The following REV1 variants were observed in gnomAD, a reference collection of about 807,000 sequenced individuals.
The protein encoded by REV1 is translesion synthesis protein REV1.
Under a neutral mutation model 137.4 loss-of-function variants are expected in REV1, and 42 were observed. The ratio of observed to expected loss-of-function variants is 0.31; its 90% confidence interval spans 0.24 to 0.40. The LOEUF is 0.40. REV1 is among the 10% of genes least tolerant of loss of function. The probability of loss-of-function intolerance (pLI) is 1.00; values close to 1 mark genes in which losing one functional copy is unlikely to be tolerated. For synonymous variants in REV1, 524 were observed against 519.2 expected (o/e 1.01, Z -0.12); for missense variants, 1,282 against 1,490.1 (o/e 0.86, Z 2.30).
chr2:99,400,976 G>A lies in REV1; in HGVS notation c.*265C>T, dbSNP rs1675297383. ...ACATACAGTTCTTTATTAAACAACTGTAAACACTTCACTGTAAAAATCCAT... is the reference window on the plus strand; with the variant it reads ...ACATACAGTTCTTTATTAAACAACTATAAACACTTCACTGTAAAAATCCAT... On this transcript the variant is annotated 3_prime_UTR_variant, in exon 23 of 23. Transcript: ENST00000258428. 2 of 250,942 alleles carry A rather than the reference G, an allele frequency of 8.0e-6. No homozygotes were observed. The highest frequency in any genetic ancestry group is 2.2e-5 in the African/African-American group (1 of 45,108). The allele number at this position is 250,942 out of a possible 1,614,324, so 15.5% of individuals were successfully genotyped here.
chr2:99,451,147 T>C (rs1239863330), intron 3 of REV1, among the ~76,000 whole-genome samples: 1 of 152,220 alleles, frequency 6.6e-6, no homozygotes, highest in East Asian at 1.9e-4. Flanking sequence ...AATTAAAGGC[T>C]ACATTACAAT....
At chr2:99,443,882 G>T (rs950041226) in intron 4 of REV1, among the ~76,000 whole-genome samples, 4 of 149,930 alleles carry the variant, frequency 2.7e-5, no homozygotes, top group African/African-American at 9.9e-5. Flanking sequence ...TCGCTCTGTC[G>T]CCCAGGCTGG....
intron 4 of REV1, among the ~76,000 whole-genome samples, chr2:99,447,531 T>C (rs1358548417): frequency 6.6e-6 from 1 of 152,220 alleles, no homozygotes; most frequent in Non-Finnish European, 1.5e-5. Context: ...TTCTAATAAT[T>C]GCTAATGTTA....
Position 99,402,978 on chromosome 2 carries a change from C to T in REV1, c.3295G>A (p.Ala1099Thr), listed in dbSNP as rs1202333459. 1 of 1,614,190 alleles carries T rather than the reference C, an allele frequency of 6.2e-7. No homozygotes were observed. The highest frequency in any genetic ancestry group is 1.7e-5 in the Admixed American group (1 of 60,026). The part of the protein sequence containing the change: ...PLNNKLLNSP[A>T]KTLPGACGSP... ...CCACAGGCCCCTGGCAGAGTTTTTG[C>T]AGGACTGTTAAGCAGCTTGTTATTC... The change falls in exon 20 of 23, where the codon GCA (alanine) becomes ACA (threonine). Residue 1099 changes from alanine (A) to threonine (T), a missense_variant. Physicochemically the swap from Ala to Thr is moderately conservative, Grantham distance 58 (BLOSUM62 0). Coordinates refer to ENST00000258428, the MANE Select transcript of REV1 (RefSeq NM_016316.4).
At chr2:99,452,354 CAG>C (rs1250744573) in intron 3 of REV1, among the ~76,000 whole-genome samples, 6 of 145,384 alleles carry the variant, frequency 4.1e-5, no homozygotes, top group African/African-American at 1.3e-4. Flanking sequence ...GCCAGAGAGG[CAG>C]AGTTTGTAGT....
rs1278941971 is a variant in REV1 at position 99,404,481 on chromosome 2, G to A, written c.3008C>T (p.Ala1003Val). ...TGGAAGGGCTATTAAATTTATTCCT[G>A]CGTCACTGTTCGATTCTTGAGGTTC... ...IPEPQESNSD[A>V]GINLIALPAF... Residue 1003 changes from alanine (A) to valine (V), a missense_variant, in exon 18 of 23, where the codon GCA becomes GTA. By Grantham distance (64) the Ala-to-Val change is moderately conservative. This residue lies in a region of REV1 where 135 missense variants were observed against 123.3 expected (regional missense o/e 1.10). Transcript: ENST00000258428. The A allele has an allele frequency of 6.2e-7, 1 of 1,613,968 alleles. No individual in the cohort carries two copies. Among genetic ancestry groups the A allele is most frequent in the Non-Finnish European group, 8.5e-7 (1 of 1,180,004 alleles).
At chr2:99,484,364 C>T (rs1686930874) in intron 1 of REV1, among the ~76,000 whole-genome samples, 1 of 152,074 alleles carries the variant, frequency 6.6e-6, no homozygotes, top group Admixed American at 6.5e-5. Context: ...ATATGTACCC[C>T]AGAACCTAAG....
chr2:99,462,668 T>TC (rs767676177), intron 2 of REV1, 46 bp from the exon 3 acceptor site: 2 of 1,560,414 alleles, frequency 1.3e-6, no homozygotes, highest in Non-Finnish European at 1.7e-6. Flanking sequence ...TTACATTTTC[T>TC]CCCCCCTTTT....
chr2:99,403,123 A>T lies in REV1; in HGVS notation c.3167-17T>A, dbSNP rs373480147. On this transcript the variant is annotated splice_polypyrimidine_tract_variant and intron_variant, in intron 19 of 22. Transcript: ENST00000258428. ...TCTTTGGCACTAAGAGCAGATGGAT[A>T]TAAGATCCTCAACAAAATGATAGTA... is the stretch of plus-strand genomic sequence containing the variant. The T allele has an allele frequency of 9.7e-6, 15 of 1,550,422 alleles. No homozygotes were observed. In the African/African-American group the frequency reaches 1.7e-4, roughly 17 times the overall value.
rs1376386580 is a variant in REV1, at chr2:99,466,386, G to A, written c.-10-1401C>T. On this transcript the variant is annotated intron_variant, in intron 1 of 22. Coordinates refer to ENST00000258428, the MANE Select transcript of REV1 (RefSeq NM_016316.4). ...GCCTCCTGAGTAGCTGGGATTACAGGCACCTGCCACCATGCCTGGCTATTT... is the reference window on the plus strand; with the variant it reads ...GCCTCCTGAGTAGCTGGGATTACAGACACCTGCCACCATGCCTGGCTATTT... Among the ~76,000 whole-genome samples the A allele has an allele frequency of 2.6e-5, 4 of 152,262 alleles. No homozygotes were observed. The East Asian group carries it at 7.7e-4, about 29-fold the overall frequency.
Position 99,402,944 on chromosome 2 carries a change from T to C in REV1, c.3329A>G (p.Gln1110Arg). Residue 1110 changes from glutamine (Q) to arginine (R), a missense_variant, in exon 20 of 23, where the codon CAG becomes CGG. Gln to Arg is a conservative substitution (Grantham distance 43). Around this residue, in one of 7 missense-constraint regions of REV1, gnomAD observed 170 missense variants for 156.8 expected, o/e 1.08. Transcript: ENST00000258428. ...TTTTAGAAACCCATCAATTAACTTC[T>C]GGGGACTGCCACAGGCCCCTGGCAG... Reference protein sequence around the residue: ...KTLPGACGSPQKLIDGFLKHE... With the variant: ...KTLPGACGSPRKLIDGFLKHE... 1.9e-6 allele frequency: 3 copies of C among 1,614,236 alleles called. No individual in the cohort carries two copies. The highest frequency in any genetic ancestry group is 2.5e-6 in the Non-Finnish European group (3 of 1,180,040).
chr2:99,440,066 C>A (rs7573502), intron 5 of REV1, among the ~76,000 whole-genome samples: 3,449 of 152,236 alleles, frequency 0.023, 119 homozygotes, highest in African/African-American at 0.079. Context: ...AATTGCACTT[C>A]ATTTCTAAGA....
At chr2:99,469,740 C>T (rs1220596562) in intron 1 of REV1, among the ~76,000 whole-genome samples, 1 of 152,206 alleles carries the variant, frequency 6.6e-6, no homozygotes, top group East Asian at 1.9e-4. Flanking sequence ...TGCTGGAACA[C>T]ACTACTATCA....
intron 1 of REV1, among the ~76,000 whole-genome samples, chr2:99,476,687 C>T (rs1471849691): frequency 6.6e-6 from 1 of 152,160 alleles, no homozygotes; most frequent in Non-Finnish European, 1.5e-5. Flanking sequence ...TTATCAACCT[C>T]CTGAAGGGCT....
At chr2:99,408,918 A>G (rs575079701) in intron 14 of REV1, among the ~76,000 whole-genome samples, 1 of 152,340 alleles carries the variant, frequency 6.6e-6, no homozygotes, top group South Asian at 2.1e-4. Flanking sequence ...TCCCAGAAAA[A>G]ATTATTATAA....
At chr2:99,431,982 C>T (rs569496798) in intron 8 of REV1, 54 of 810,002 alleles carry the variant, frequency 6.7e-5, no homozygotes, top group African/African-American at 7.4e-5. Context: ...ATGACTAATA[C>T]GATTTTTAAA....
chr2:99,442,990 A>C (rs762008198), intron 4 of REV1, among the ~76,000 whole-genome samples: 48 of 152,194 alleles, frequency 3.2e-4, no homozygotes, highest in Non-Finnish European at 4.3e-4. Flanking sequence ...ATATCACACA[A>C]CACCACTCAA....
chr2:99,442,564 C>T lies in REV1; in HGVS notation c.351-95G>A, dbSNP rs1681655514. 18 of 1,127,804 alleles carry T rather than the reference C, an allele frequency of 1.6e-5. No homozygotes were observed. In the South Asian group the frequency reaches 2.5e-4, roughly 16 times the overall value. The allele number at this position is 1,127,804 out of a possible 1,614,324, so 69.9% of individuals were successfully genotyped here. A position where few individuals can be genotyped will look rare whatever the true frequency, so the allele number is the denominator to read the frequency against. ...ATGTCCTTAAAGATACAGTATTTCA[C>T]CAACAACAGGTCATCTGTTTTCCTA... On this transcript the variant is annotated intron_variant, in intron 4 of 22. Coordinates refer to ENST00000258428, the MANE Select transcript of REV1 (RefSeq NM_016316.4).
intron 1 of REV1, among the ~76,000 whole-genome samples, chr2:99,473,351 G>A (rs1685619179): frequency 6.9e-6 from 1 of 144,152 alleles, no homozygotes; most frequent in Non-Finnish European, 1.5e-5. Flanking sequence ...CTGGGCGACA[G>A]AGCGAGACTG....
Sources: allele counts gnomAD v4.1 joint callset (sites outside exome capture counted in the v4.1 genomes callset), GRCh38; gene constraint gnomAD v4.1.1; regional missense constraint gnomAD v4.1.1; transcripts MANE v1.5; gene names NCBI Gene and HGNC (gene_info 2026-07-23, HGNC 2026-07-21).